RBMS1: variants seen among roughly 807,000 people sequenced by gnomAD.
The protein encoded by RBMS1 is RNA binding motif single stranded interacting protein 1, also known as RNA-binding motif, single-stranded-interacting protein 1.
RBMS1 carries 17 observed loss-of-function variants against 62.3 expected under a neutral mutation model. The ratio of observed to expected loss-of-function variants is 0.27; its 90% confidence interval spans 0.19 to 0.41. The LOEUF is 0.41. Ranked by LOEUF, RBMS1 falls within the 10% of genes least tolerant of loss-of-function variation. RBMS1 has a pLI of 1.00. For missense variants in RBMS1, 334 were observed against 504.5 expected (o/e 0.66, Z 3.24); for synonymous variants, 172 against 170.0 (o/e 1.01, Z -0.09).
chr2:160,421,214 T>C lies in RBMS1; in HGVS notation c.76-53823A>G, dbSNP rs142387020. 7.6e-3 allele frequency among the ~76,000 whole-genome samples: 1,153 copies of C among 152,188 alleles called. 18 individuals are homozygous for C. The highest frequency in any genetic ancestry group is 0.025 in the African/African-American group (1,036 of 41,504). On this transcript the variant is annotated intron_variant, in intron 1 of 13. Transcript: ENST00000348849. ...ACAACGTGCAGGTTTGTTACATATATATACCTGTGCCCTGCTAGTGTGCGG... is the reference window on the plus strand; with the variant it reads ...ACAACGTGCAGGTTTGTTACATATACATACCTGTGCCCTGCTAGTGTGCGG...
chr2:160,473,943 C>T (rs1048888522), intron 1 of RBMS1, among the ~76,000 whole-genome samples: 1 of 152,030 alleles, frequency 6.6e-6, no homozygotes, highest in Admixed American at 6.6e-5. Flanking sequence ...TACCTGGTTA[C>T]TATGACAACA....
chr2:160,449,105 C>G (rs199607940), intron 1 of RBMS1, among the ~76,000 whole-genome samples: 1 of 151,918 alleles, frequency 6.6e-6, no homozygotes, highest in Non-Finnish European at 1.5e-5. Flanking sequence ...CGGCAGCCGC[C>G]CCGTCTGGGA....
chr2:160,444,535 G>A lies in RBMS1; in HGVS notation c.75+48754C>T, dbSNP rs536529631. Among the ~76,000 whole-genome samples, 12 of 152,300 alleles carry A rather than the reference G, an allele frequency of 7.9e-5. No homozygotes were observed. In the East Asian group the frequency reaches 1.7e-3, roughly 22 times the overall value. On this transcript the variant is annotated intron_variant, in intron 1 of 13. Transcript: ENST00000348849. ...TTACTATCGCTATTCTCAGTTTACA[G>A]AAAACCGAGAAACAAAAAGGGCAAC...
intron 1 of RBMS1, among the ~76,000 whole-genome samples, chr2:160,368,587 T>C (rs1007435148): frequency 6.6e-6 from 1 of 152,234 alleles, no homozygotes; most frequent in Non-Finnish European, 1.5e-5. Flanking sequence ...GCTTCTGCCA[T>C]GGTCATCCTA....
chr2:160,295,776 C>T (rs1330576772), intron 6 of RBMS1, among the ~76,000 whole-genome samples: 1 of 152,254 alleles, frequency 6.6e-6, no homozygotes, highest in East Asian at 1.9e-4. Context: ...CTGAGATCTA[C>T]TGTATTCAAG....
chr2:160,376,610 TTTC>T (rs1370343350), intron 1 of RBMS1, among the ~76,000 whole-genome samples: 1 of 152,014 alleles, frequency 6.6e-6, no homozygotes, highest in Non-Finnish European at 1.5e-5. Flanking sequence ...AGTCTATGTA[TTTC>T]TTTTTTTTAT....
At chr2:160,471,392 C>A (rs1244516997) in intron 1 of RBMS1, among the ~76,000 whole-genome samples, 1 of 151,804 alleles carries the variant, frequency 6.6e-6, no homozygotes, top group Admixed American at 6.6e-5. Flanking sequence ...CATATTAAAA[C>A]TAGGAGTCTC....
intron 1 of RBMS1, among the ~76,000 whole-genome samples, chr2:160,471,283 T>C (rs1474877190): frequency 6.6e-6 from 1 of 152,114 alleles, no homozygotes; most frequent in Non-Finnish European, 1.5e-5. Context: ...GCGTGTAAAT[T>C]GGTCACTCTA....
chr2:160,291,599 T>C (rs1162507197), intron 6 of RBMS1, among the ~76,000 whole-genome samples: 2 of 152,194 alleles, frequency 1.3e-5, no homozygotes, highest in Non-Finnish European at 2.9e-5. Context: ...TGGACGTTCT[T>C]CCTCCCGAGG....
rs80278281 is a variant in RBMS1, at chr2:160,295,020, GAAAAAAA to G, written c.640+5624_640+5630del. ...AATTCTGAAGTCACCATGTATACAA[GAAAAAAA>G]AAAAAAAGAAAAAAGAAGTCTAGAG... On this transcript the variant is annotated intron_variant, in intron 6 of 13. Coordinates refer to ENST00000348849, the MANE Select transcript of RBMS1 (RefSeq NM_016836.4). 6.1e-4 allele frequency among the ~76,000 whole-genome samples: 73 copies of G among 120,252 alleles called. 1 individual carries two copies. The highest frequency in any genetic ancestry group is 2.0e-3 in the African/African-American group (64 of 32,098). 78.9% of individuals were successfully genotyped at this position (120,252 alleles called of 152,430 possible).
chr2:160,404,564 C>T (rs981887631), intron 1 of RBMS1, among the ~76,000 whole-genome samples: 7 of 152,236 alleles, frequency 4.6e-5, no homozygotes, highest in Middle Eastern at 3.4e-3. Context: ...TTAAAGAATA[C>T]GAGAAGATGT....
chr2:160,484,372 G>A (rs529340911), intron 1 of RBMS1, among the ~76,000 whole-genome samples: 46 of 151,554 alleles, frequency 3.0e-4, no homozygotes, highest in African/African-American at 1.1e-3. Flanking sequence ...GCGGGCGCCT[G>A]TAGTCCCAGC....
chr2:160,493,366 A>G lies in RBMS1; in HGVS notation c.-3T>C, dbSNP rs749200661. ...TGCTGTTTCCACACTTTGCCCATGA[A>G]GCTGGAAGGGAGCCTGCCGTGCAGG... On this transcript the variant is annotated 5_prime_UTR_variant, in exon 1 of 14. Coordinates refer to ENST00000348849, the MANE Select transcript of RBMS1 (RefSeq NM_016836.4). 4 of 1,612,944 alleles carry G rather than the reference A, an allele frequency of 2.5e-6. No individual in the cohort carries two copies. Among genetic ancestry groups the G allele is most frequent in the Non-Finnish European group, 3.4e-6 (4 of 1,179,414 alleles).
intron 2 of RBMS1, among the ~76,000 whole-genome samples, chr2:160,322,526 T>C (rs988038588): frequency 6.6e-6 from 1 of 152,246 alleles, no homozygotes; most frequent in African/African-American, 2.4e-5. Flanking sequence ...TTGCAAGTTG[T>C]GGAGTAAGAC....
At position 160,284,844 on chromosome 2, in the gene RBMS1, A is replaced by T; in HGVS notation, c.831T>A (p.Ile277=). The part of the protein sequence containing the change: ...QNGFYPSPYS[I]ATNRMITQTS... ...TTTGAGTGATCATTCGGTTTGTAGC[A>T]ATACTGTATGGTGAAGGATAAAATC... is the stretch of plus-strand genomic sequence containing the variant. The change falls in exon 9 of 14, where the codon ATT becomes ATA. Residue 277 remains isoleucine, a synonymous_variant. Transcript: ENST00000348849. 6.2e-7 allele frequency: 1 copy of T among 1,608,224 alleles called. No homozygotes were observed. Among genetic ancestry groups the T allele is most frequent in the Non-Finnish European group, 8.5e-7 (1 of 1,174,850 alleles).
At chr2:160,430,876 T>C (rs1238199173) in intron 1 of RBMS1, among the ~76,000 whole-genome samples, 3 of 151,920 alleles carry the variant, frequency 2.0e-5, no homozygotes, top group Non-Finnish European at 4.4e-5. Context: ...AACTCTCCTA[T>C]CTGCTTGACT....
chr2:160,462,690 C>CCT (rs1240674665), intron 1 of RBMS1, among the ~76,000 whole-genome samples: 1 of 152,126 alleles, frequency 6.6e-6, no homozygotes, highest in Non-Finnish European at 1.5e-5. Context: ...CTCACTGCAA[C>CCT]CTCTGCCTCT....
intron 1 of RBMS1, among the ~76,000 whole-genome samples, chr2:160,381,316 T>C (rs980453073): frequency 2.0e-5 from 3 of 152,216 alleles, no homozygotes; most frequent in Admixed American, 1.3e-4. Context: ...TTTTATCTTT[T>C]TGTTACTATC....
intron 1 of RBMS1, among the ~76,000 whole-genome samples, chr2:160,422,855 G>C (rs112183711): frequency 6.6e-6 from 1 of 152,098 alleles, no homozygotes; most frequent in Non-Finnish European, 1.5e-5. Flanking sequence ...CTTTACTGCT[G>C]TATAGCATTC....
Sources: allele counts gnomAD v4.1 joint callset (sites outside exome capture counted in the v4.1 genomes callset), GRCh38; gene constraint gnomAD v4.1.1; transcripts MANE v1.5; gene names NCBI Gene and HGNC (gene_info 2026-07-23, HGNC 2026-07-21).